The following PLXNA2 variants were observed in gnomAD, a reference collection of about 807,000 sequenced individuals.
The protein encoded by PLXNA2 is plexin-A2.
Under a neutral mutation model 193.5 loss-of-function variants are expected in PLXNA2, and 91 were observed. That is an observed-to-expected ratio of 0.47 (90% CI 0.40 to 0.56). The LOEUF (loss-of-function observed/expected upper bound fraction) is 0.56, where lower values mean the gene tolerates loss of function less well. Among genes scored for constraint, PLXNA2 ranks in the 20% least tolerant of loss-of-function variants. The pLI, the probability that PLXNA2 is intolerant of heterozygous loss-of-function variation, is 0.00. For synonymous variants in PLXNA2, 997 were observed against 1,027.3 expected, an observed-to-expected ratio of 0.97 and a Z score of 0.56; for missense variants, 1,995 against 2,503.2, an observed-to-expected ratio of 0.80 and a Z score of 4.33.
intron 3 of PLXNA2, among the ~76,000 whole-genome samples, chr1:208,157,030 A>AAGC (rs879349163): frequency 6.6e-6 from 1 of 152,218 alleles, no homozygotes; most frequent in Non-Finnish European, 1.5e-5. Flanking sequence ...CATATAAAAG[A>AAGC]AGCATCTGAT....
chr1:208,210,965 A>G (rs1226907937), intron 2 of PLXNA2, among the ~76,000 whole-genome samples: 2 of 152,166 alleles, frequency 1.3e-5, no homozygotes, highest in African/African-American at 4.8e-5. Flanking sequence ...CCATTCAACT[A>G]TCCAGTTGTT....
intron 4 of PLXNA2, among the ~76,000 whole-genome samples, chr1:208,117,929 G>C (rs1558201100): frequency 6.6e-6 from 1 of 152,180 alleles, no homozygotes; most frequent in Non-Finnish European, 1.5e-5. Context: ...CTGTGTTTGA[G>C]ACTGGAGTGA....
intron 3 of PLXNA2, among the ~76,000 whole-genome samples, chr1:208,208,510 A>G (rs1308918962): frequency 2.0e-5 from 3 of 152,246 alleles, no homozygotes; most frequent in African/African-American, 7.2e-5. Flanking sequence ...TTTGAAGCCT[A>G]TCCCATGAGT....
chr1:208,133,103 C>G (rs1668208119), intron 4 of PLXNA2, among the ~76,000 whole-genome samples: 1 of 152,204 alleles, frequency 6.6e-6, no homozygotes, highest in Non-Finnish European at 1.5e-5. Context: ...CTGCTCTTCA[C>G]TAGAGAATCT....
intron 4 of PLXNA2, among the ~76,000 whole-genome samples, chr1:208,123,753 G>A (rs6660047): frequency 0.055 from 8,317 of 152,260 alleles, 278 homozygotes; most frequent in Non-Finnish European, 0.073. Context: ...CTTAGGATGC[G>A]GGAAAGCAGA....
intron 4 of PLXNA2, among the ~76,000 whole-genome samples, chr1:208,129,754 G>A (rs1376728031): frequency 6.6e-6 from 1 of 152,152 alleles, no homozygotes; most frequent in Non-Finnish European, 1.5e-5. Context: ...ATACTGTATT[G>A]TAACTCACTA....
At chr1:208,165,244 G>A (rs1669263528) in intron 3 of PLXNA2, among the ~76,000 whole-genome samples, 1 of 152,196 alleles carries the variant, frequency 6.6e-6, no homozygotes, top group Non-Finnish European at 1.5e-5. Context: ...TATAGCTTAT[G>A]TTCTCTTACC....
chr1:208,235,351 C>T (rs1671819328), intron 1 of PLXNA2, among the ~76,000 whole-genome samples: 1 of 152,224 alleles, frequency 6.6e-6, no homozygotes, highest in African/African-American at 2.4e-5. Context: ...GGGAAAATAA[C>T]CCTAGTTTCG....
chr1:208,038,900 T>C lies in PLXNA2; in HGVS notation c.4585A>G (p.Lys1529Glu), dbSNP rs749454869. ...TACACGGCATCAAGAATCTTCTCCT[T>C]GACCTGTGTGATGGTGTCACAGTTT... Reference protein sequence around the residue: ...VLNCDTITQVKEKILDAVYKN... With the variant: ...VLNCDTITQVEEKILDAVYKN... Residue 1529 changes from lysine to glutamate, a missense_variant, in exon 25 of 32, where the codon AAG (lysine) becomes GAG (glutamate). Lys to Glu is a moderately conservative substitution (Grantham distance 56, BLOSUM62 1). Coordinates refer to ENST00000367033, the MANE Select transcript of PLXNA2 (RefSeq NM_025179.4). The surrounding 1 kb of genome is among the most constrained non-coding windows in gnomAD (Gnocchi z 4.1). The C allele has an allele frequency of 6.2e-7, 1 of 1,614,092 alleles. No individual in the cohort carries two copies. Among genetic ancestry groups the C allele is most frequent in the East Asian group, 2.2e-5 (1 of 44,866 alleles).
rs993173209 is a variant in PLXNA2 at position 208,077,935 on chromosome 1, A to G, written c.2586+1325T>C. The stretch of plus-strand genomic sequence containing the variant: ...CACCGACAGCCCTGCATTGTCCGGG[A>G]TATGGTGTCTTGTGGATGGATTGCA... On this transcript the variant is annotated intron_variant, in intron 12 of 31. Coordinates refer to ENST00000367033, the MANE Select transcript of PLXNA2 (RefSeq NM_025179.4). 1.3e-5 allele frequency among the ~76,000 whole-genome samples: 2 copies of G among 151,936 alleles called. 1 individual carries two copies. The highest frequency in any genetic ancestry group is 4.2e-4 in the South Asian group (2 of 4,782).
intron 12 of PLXNA2, among the ~76,000 whole-genome samples, chr1:208,064,686 T>C (rs1299998735): frequency 6.6e-6 from 1 of 152,200 alleles, no homozygotes; most frequent in Non-Finnish European, 1.5e-5. Context: ...ATGCCATCTC[T>C]GTGTTGGGCC....
intron 1 of PLXNA2, among the ~76,000 whole-genome samples, chr1:208,232,273 A>G (rs1671715378): frequency 6.6e-6 from 1 of 152,180 alleles, no homozygotes. Flanking sequence ...TGTGGGAAAG[A>G]ATGCAGCTGC....
intron 1 of PLXNA2, among the ~76,000 whole-genome samples, chr1:208,231,061 A>T (rs1054917128): frequency 1.3e-5 from 2 of 152,170 alleles, no homozygotes; most frequent in Admixed American, 1.3e-4. Flanking sequence ...GAAGGAGCAC[A>T]GTTAGTAGAC....
intron 3 of PLXNA2, among the ~76,000 whole-genome samples, chr1:208,186,601 A>T (rs573851834): frequency 2.0e-5 from 3 of 152,270 alleles, no homozygotes; most frequent in African/African-American, 7.2e-5. Flanking sequence ...GTAGGCTTGG[A>T]GGCAGGAGGC....
chr1:208,145,951 G>C, intron 3 of PLXNA2, among the ~76,000 whole-genome samples: 1 of 152,138 alleles, frequency 6.6e-6, no homozygotes, highest in Non-Finnish European at 1.5e-5. Context: ...CAAGAAGTCT[G>C]TGACTCCCCC....
intron 1 of PLXNA2, among the ~76,000 whole-genome samples, chr1:208,232,722 T>C (rs951114336): frequency 2.0e-5 from 3 of 152,198 alleles, no homozygotes; most frequent in East Asian, 3.9e-4. Flanking sequence ...AATTTTAACA[T>C]GATTAGGAGA....
At position 208,061,403 on chromosome 1, in the gene PLXNA2, G is replaced by A. The variant is rs146731530; in HGVS notation, c.2587-566C>T. On this transcript the variant is annotated intron_variant, in intron 12 of 31. Transcript: ENST00000367033. ...ATTTGGCCTCAAGAAACTTAGAGTC[G>A]AGGATGAGATAAAGGCAGTTCATGA... Among the ~76,000 whole-genome samples the A allele has an allele frequency of 5.9e-5, 9 of 152,240 alleles. No homozygotes were observed. In the East Asian group the frequency reaches 1.4e-3, roughly 23 times the overall value.
chr1:208,130,699 C>CG (rs369809615), intron 4 of PLXNA2, among the ~76,000 whole-genome samples: 32 of 152,306 alleles, frequency 2.1e-4, no homozygotes, highest in Middle Eastern at 6.8e-3. Context: ...CTCTTACCTA[C>CG]TCCTCCCCGG....
chr1:208,172,118 G>A (rs1669514835), intron 3 of PLXNA2, among the ~76,000 whole-genome samples: 1 of 151,410 alleles, frequency 6.6e-6, no homozygotes, highest in Admixed American at 6.6e-5. Flanking sequence ...AGAGCTGGGG[G>A]GAAAACAGGC....
Sources: allele counts gnomAD v4.1 joint callset (sites outside exome capture counted in the v4.1 genomes callset), GRCh38; gene constraint gnomAD v4.1.1; non-coding constraint Gnocchi (gnomAD v3.1); transcripts MANE v1.5; gene names NCBI Gene and HGNC (gene_info 2026-07-23, HGNC 2026-07-21).